LYRM4: variants seen among roughly 807,000 people sequenced by gnomAD.
The protein encoded by LYRM4 is LYR motif containing 4, also known as LYR motif-containing protein 4.
Under a neutral mutation model 11.7 loss-of-function variants are expected in LYRM4, and 9 were observed. The ratio of observed to expected loss-of-function variants is 0.77; its 90% CI spans 0.46 to 1.34. LYRM4 has a LOEUF of 1.34. LYRM4 is among the 40% of genes most tolerant of loss of function. The pLI is 0.00. For missense variants in LYRM4, 133 were observed against 112.5 expected, an observed-to-expected ratio of 1.18 and a Z score of -0.82; for synonymous variants, 42 against 40.4, an observed-to-expected ratio of 1.04 and a Z score of -0.15.
At chr6:5,082,058 T>C in the LYRM4 span, among the ~76,000 whole-genome samples, 1 of 152,222 alleles carries the variant, frequency 6.6e-6, no homozygotes, top group Non-Finnish European at 1.5e-5. Flanking sequence ...TCCTGAGTTT[T>C]CTTCTTTATA....
the LYRM4 span, chr6:5,087,408 T>C: frequency 6.6e-6 from 1 of 152,378 alleles, no homozygotes; most frequent in East Asian, 1.9e-4. Flanking sequence ...TAAAATGTTC[T>C]GTAGAAAGTG....
At chr6:5,086,096 CG>C in the LYRM4 span, 2 of 1,467,102 alleles carry the variant, frequency 1.4e-6, no homozygotes, top group East Asian at 2.8e-5. Flanking sequence ...TTCCAGCTCC[CG>C]GGGCCGAGCG....
chr6:5,188,716 G>C (rs1760569025), intron 2 of LYRM4, among the ~76,000 whole-genome samples: 1 of 152,086 alleles, frequency 6.6e-6, no homozygotes, highest in Non-Finnish European at 1.5e-5. Flanking sequence ...TAAACATTTT[G>C]TGTAGAGCTT....
At chr6:5,062,714 C>G in the LYRM4 span, among the ~76,000 whole-genome samples, 1 of 152,146 alleles carries the variant, frequency 6.6e-6, no homozygotes, top group Non-Finnish European at 1.5e-5. Context: ...TTCCACCTCC[C>G]CAGGATCCAG....
At chr6:5,176,492 C>T (rs1041882253) in intron 2 of LYRM4, among the ~76,000 whole-genome samples, 2 of 152,198 alleles carry the variant, frequency 1.3e-5, no homozygotes, top group Non-Finnish European at 2.9e-5. Context: ...TTGCTGGGTT[C>T]TAAGCTTTAC....
chr6:5,043,969 C>A, the LYRM4 span, among the ~76,000 whole-genome samples: 1 of 152,218 alleles, frequency 6.6e-6, no homozygotes, highest in African/African-American at 2.4e-5. Context: ...CACAGCCCCC[C>A]TCTCGCTCTG....
chr6:5,056,488 C>A, the LYRM4 span, among the ~76,000 whole-genome samples: 1 of 152,154 alleles, frequency 6.6e-6, no homozygotes, highest in Non-Finnish European at 1.5e-5. Context: ...GCACTTTAAG[C>A]GGATCTTTTA....
At chr6:5,239,888 C>A (rs377627731) in intron 1 of LYRM4, among the ~76,000 whole-genome samples, 2 of 152,134 alleles carry the variant, frequency 1.3e-5, no homozygotes, top group Non-Finnish European at 1.5e-5. Flanking sequence ...CTCACCACCC[C>A]CATAGGGAAC....
At chr6:5,046,009 G>T in the LYRM4 span, among the ~76,000 whole-genome samples, 1 of 152,222 alleles carries the variant, frequency 6.6e-6, no homozygotes, top group South Asian at 2.1e-4. Flanking sequence ...TGAGCACGGG[G>T]CACTCTGCCC....
chr6:5,228,988 A>G (rs1158114246), intron 1 of LYRM4, among the ~76,000 whole-genome samples: 1 of 136,612 alleles, frequency 7.3e-6, no homozygotes, highest in Non-Finnish European at 1.5e-5. Flanking sequence ...TGGGCGACGG[A>G]GCGAGGCTCA....
At chr6:5,223,967 T>C (rs947602176) in intron 1 of LYRM4, among the ~76,000 whole-genome samples, 5 of 152,188 alleles carry the variant, frequency 3.3e-5, no homozygotes, top group Non-Finnish European at 7.4e-5. Context: ...ACTCTCTGGA[T>C]TCCTGCTCAT....
At chr6:5,166,029 T>G (rs908887020) in intron 2 of LYRM4, among the ~76,000 whole-genome samples, 1 of 152,176 alleles carries the variant, frequency 6.6e-6, no homozygotes, top group African/African-American at 2.4e-5. Flanking sequence ...TTTAAAATTA[T>G]AAACTTATAT....
At chr6:5,169,337 AAAGG>A (rs1255933520) in intron 2 of LYRM4, among the ~76,000 whole-genome samples, 1 of 152,226 alleles carries the variant, frequency 6.6e-6, no homozygotes, top group Non-Finnish European at 1.5e-5. Flanking sequence ...AATAAGAACA[AAAGG>A]AAGGAACTGG....
chr6:5,251,469 A>G (rs1232236791), intron 1 of LYRM4, among the ~76,000 whole-genome samples: 1 of 152,198 alleles, frequency 6.6e-6, no homozygotes, highest in Non-Finnish European at 1.5e-5. Context: ...CAGGAAGCTT[A>G]CAATCATGGC....
At chr6:5,170,477 A>C (rs1268969959) in intron 2 of LYRM4, among the ~76,000 whole-genome samples, 1 of 139,408 alleles carries the variant, frequency 7.2e-6, no homozygotes, top group African/African-American at 2.9e-5. Flanking sequence ...TTCTCACTTT[A>C]TTTCTTTTAT....
chr6:5,203,365 C>T (rs1761503030), intron 2 of LYRM4, among the ~76,000 whole-genome samples: 1 of 152,188 alleles, frequency 6.6e-6, no homozygotes, highest in Non-Finnish European at 1.5e-5. Flanking sequence ...GGGACAGCTG[C>T]TTGGTAGGCC....
intron 2 of LYRM4, among the ~76,000 whole-genome samples, chr6:5,135,458 A>ACTGTGGAGGGTGCGGATCGCTCCTGGGG (rs1757037423): frequency 1.2e-4 from 5 of 40,700 alleles, no homozygotes; most frequent in African/African-American, 1.0e-3. Flanking sequence ...CACTCCCGGG[A>ACTGTGGAGGGTGCGGATCGCTCCTGGGG]CTGTGGAGGG....
At chr6:5,075,331 C>G in the LYRM4 span, among the ~76,000 whole-genome samples, 1 of 152,192 alleles carries the variant, frequency 6.6e-6, no homozygotes, top group Non-Finnish European at 1.5e-5. Context: ...AAATTTGGAG[C>G]AGAGGGACTG....
chr6:5,074,893 G>A, the LYRM4 span, among the ~76,000 whole-genome samples: 4 of 152,144 alleles, frequency 2.6e-5, no homozygotes, highest in Non-Finnish European at 5.9e-5. Context: ...AATCCCTAAT[G>A]TTGGAGGTGG....
Sources: allele counts gnomAD v4.1 joint callset (sites outside exome capture counted in the v4.1 genomes callset), GRCh38; gene constraint gnomAD v4.1.1; transcripts MANE v1.5; gene names NCBI Gene and HGNC (gene_info 2026-07-23, HGNC 2026-07-21).